Variants in ASIC2 observed in about 807,000 individuals in gnomAD.
ASIC2 encodes acid-sensing ion channel 2.
A neutral mutation model predicts 57.3 loss-of-function variants in ASIC2; 25 were observed. The ratio of observed to expected loss-of-function variants is 0.44; its 90% CI spans 0.32 to 0.61. ASIC2 has a LOEUF of 0.61. Ranked by LOEUF, ASIC2 falls within the 20% of genes least tolerant of loss-of-function variation. ASIC2 has a pLI of 0.06. For missense variants in ASIC2, 641 were observed against 738.1 expected (o/e 0.87, Z 1.52); for synonymous variants, 319 against 307.5 (o/e 1.04, Z -0.39).
chr17:34,014,592 T>G (rs1482422833), intron 1 of ASIC2, among the ~76,000 whole-genome samples: 3 of 152,156 alleles, frequency 2.0e-5, no homozygotes, highest in Non-Finnish European at 4.4e-5. Context: ...CCTGCTCTGC[T>G]CTCAAACACC....
intron 3 of ASIC2, among the ~76,000 whole-genome samples, chr17:33,036,534 G>A (rs1221112741): frequency 1.3e-5 from 2 of 152,070 alleles, no homozygotes. Flanking sequence ...GGACTCAAGC[G>A]ATCTTCCCGC....
chr17:33,291,617 C>T lies in ASIC2; in HGVS notation c.499G>A (p.Ala167Thr). 1 of 1,607,876 alleles carries T rather than the reference C, an allele frequency of 6.2e-7. No homozygotes were observed. The highest frequency in any genetic ancestry group is 8.5e-7 in the Non-Finnish European group (1 of 1,177,854). ...WLGLLLPNRT[A>T]RPLVSELLRG... ...AGCAGCTCGCTGACAAGCGGGCGCG[C>T]GGTGCGGTTGGGCAGCAGCAGCCCG... Residue 167 changes from alanine to threonine, a missense_variant, in exon 1 of 10, where the codon GCG (alanine) becomes ACG (threonine). Physicochemically the swap from Ala to Thr is moderately conservative, Grantham distance 58. Coordinates refer to ENST00000225823, the MANE Select transcript of ASIC2 (RefSeq NM_183377.2).
chr17:33,629,622 G>T (rs573724781), intron 1 of ASIC2, among the ~76,000 whole-genome samples: 2 of 152,316 alleles, frequency 1.3e-5, no homozygotes, highest in East Asian at 3.9e-4. Context: ...TTCCCTGGGA[G>T]AGCTGGGAAG....
At chr17:33,219,797 A>G (rs1376460000) in intron 1 of ASIC2, among the ~76,000 whole-genome samples, 1 of 152,144 alleles carries the variant, frequency 6.6e-6, no homozygotes, top group African/African-American at 2.4e-5. Flanking sequence ...TCTATGTTAG[A>G]GAAAATCGTT....
At chr17:33,938,248 A>G (rs1239953172) in intron 1 of ASIC2, among the ~76,000 whole-genome samples, 1 of 152,180 alleles carries the variant, frequency 6.6e-6, no homozygotes, top group African/African-American at 2.4e-5. Flanking sequence ...AAGCTGGGCC[A>G]GCACCAGAGC....
Position 33,392,270 on chromosome 17 carries a change from C to CT in ASIC2, c.556-280204dup, listed in dbSNP as rs796232324. The stretch of plus-strand genomic sequence containing the variant: ...TTTCTTTCTCTGTCTCTCTTTCTTT[C>CT]TTTTTTTTTTGACAGAGTCTTGCTC... On this transcript the variant is annotated intron_variant, in intron 1 of 9. Coordinates refer to the ASIC2 transcript ENST00000359872. Among the ~76,000 whole-genome samples the CT allele has an allele frequency of 6.9e-3, 925 of 134,910 alleles. 10 individuals carry two copies. Among genetic ancestry groups the CT allele is most frequent in the African/African-American group, 0.023 (824 of 36,456 alleles). The allele number at this position is 134,910 out of a possible 152,430, so 88.5% of individuals were successfully genotyped here. A position where few individuals can be genotyped will look rare whatever the true frequency, so the allele number is the denominator to read the frequency against.
In ASIC2 at chr17:33,509,180, C is replaced by T. The variant is rs541186750; in HGVS notation, c.556-397113G>A. Among the ~76,000 whole-genome samples the T allele has an allele frequency of 1.5e-4, 23 of 152,128 alleles. No individual in the cohort carries two copies. The South Asian group carries it at 2.7e-3, about 18-fold the overall frequency. On this transcript the variant is annotated intron_variant, in intron 1 of 9. Coordinates refer to the ASIC2 transcript ENST00000359872. Reference sequence around the variant, plus strand: ...ATCAAGAGAGGGGAGGAAGGTAGGACGGAGGGAGGGCGGGACAGGATGCTG... The same window carrying T: ...ATCAAGAGAGGGGAGGAAGGTAGGATGGAGGGAGGGCGGGACAGGATGCTG...
chr17:33,813,577 C>T (rs947574106), intron 1 of ASIC2, among the ~76,000 whole-genome samples: 8 of 152,146 alleles, frequency 5.3e-5, no homozygotes, highest in Non-Finnish European at 8.8e-5. Context: ...GCTGGGACTA[C>T]AGGCGCCCGC....
chr17:33,807,479 A>C (rs1376952886), intron 1 of ASIC2, among the ~76,000 whole-genome samples: 1 of 152,162 alleles, frequency 6.6e-6, no homozygotes, highest in African/African-American at 2.4e-5. Context: ...AGACATAATC[A>C]ATCAATTACA....
At position 33,493,552 on chromosome 17, in the gene ASIC2, A is replaced by AGTCAGTCAAGG. The variant is rs1913827982; in HGVS notation, c.556-381496_556-381486dup. On this transcript the variant is annotated intron_variant, in intron 1 of 9. Coordinates refer to the ASIC2 transcript ENST00000359872. The stretch of plus-strand genomic sequence containing the variant: ...TCTCTCATTCTTTCTTGCCCCCTTC[A>AGTCAGTCAAGG]GTCAGTCAAGGTTCTCTTACTGGCT... 2.0e-5 allele frequency among the ~76,000 whole-genome samples: 3 copies of AGTCAGTCAAGG among 152,154 alleles called. No individual in the cohort carries two copies. In the South Asian group the frequency reaches 6.2e-4, roughly 32 times the overall value.
At chr17:33,447,145 T>C (rs905751) in intron 1 of ASIC2, among the ~76,000 whole-genome samples, 52,583 of 152,040 alleles carry the variant, frequency 0.35, 9,190 homozygotes, top group Middle Eastern at 0.44. Context: ...TGAGTTTAGG[T>C]CCTGGTACAT....
intron 1 of ASIC2, among the ~76,000 whole-genome samples, chr17:33,440,106 T>C (rs1911773081): frequency 6.6e-6 from 1 of 152,220 alleles, no homozygotes; most frequent in Non-Finnish European, 1.5e-5. Flanking sequence ...CTTAGAACAT[T>C]TCCGTCCCCT....
chr17:34,059,813 G>A (rs1379531225), intron 1 of ASIC2, among the ~76,000 whole-genome samples: 5 of 152,160 alleles, frequency 3.3e-5, no homozygotes, highest in South Asian at 2.1e-4. Context: ...AATCTCACCC[G>A]CATCCCCCAC....
chr17:33,275,978 T>C (rs1324638924), intron 1 of ASIC2, among the ~76,000 whole-genome samples: 2 of 152,116 alleles, frequency 1.3e-5, no homozygotes, highest in Non-Finnish European at 2.9e-5. Flanking sequence ...CATGATAATT[T>C]TAGGCAGGGA....
chr17:33,579,555 G>T (rs531333572), intron 1 of ASIC2, among the ~76,000 whole-genome samples: 1 of 152,146 alleles, frequency 6.6e-6, no homozygotes, highest in Non-Finnish European at 1.5e-5. Context: ...AAGAATGAAA[G>T]GGCAGACCCT....
chr17:33,994,710 A>G (rs562858363), intron 1 of ASIC2, among the ~76,000 whole-genome samples: 1 of 152,260 alleles, frequency 6.6e-6, no homozygotes, highest in Admixed American at 6.5e-5. Flanking sequence ...GTCCAGTGGT[A>G]TCTAGTGGTC....
At chr17:33,915,121 G>C (rs1472788677) in intron 1 of ASIC2, among the ~76,000 whole-genome samples, 1 of 152,178 alleles carries the variant, frequency 6.6e-6, no homozygotes, top group Non-Finnish European at 1.5e-5. Flanking sequence ...GAAATTAAAT[G>C]GCTCCATTTC....
At chr17:33,983,383 G>C (rs1198430383) in intron 1 of ASIC2, among the ~76,000 whole-genome samples, 1 of 152,176 alleles carries the variant, frequency 6.6e-6, no homozygotes, top group Non-Finnish European at 1.5e-5. Context: ...ATCAATGTGA[G>C]ATGAAATGCT....
At chr17:33,183,041 C>A (rs967858266) in intron 1 of ASIC2, among the ~76,000 whole-genome samples, 1 of 152,102 alleles carries the variant, frequency 6.6e-6, no homozygotes, top group African/African-American at 2.4e-5. Context: ...TTCATCTTCC[C>A]CATTTTACAG....
Sources: allele counts gnomAD v4.1 joint callset (sites outside exome capture counted in the v4.1 genomes callset), GRCh38; gene constraint gnomAD v4.1.1; transcripts MANE v1.5; gene names NCBI Gene and HGNC (gene_info 2026-07-23, HGNC 2026-07-21).